The following RYR2 variants were observed in gnomAD, a reference collection of about 807,000 sequenced individuals.
The protein encoded by RYR2 is ryanodine receptor 2.
Under a neutral mutation model 601.1 loss-of-function variants are expected in RYR2, and 227 were observed. That is an observed-to-expected ratio of 0.38 (90% confidence interval 0.34 to 0.42). The LOEUF is 0.42. Among genes scored for constraint, RYR2 ranks in the 10% least tolerant of loss-of-function variants. The pLI, the probability that RYR2 is intolerant of heterozygous loss-of-function variation, is 1.00. For missense variants in RYR2, 4,646 were observed against 6,156.5 expected (o/e 0.75, Z 8.21); for synonymous variants, 2,223 against 2,175.1 (o/e 1.02, Z -0.61).
intron 48 of RYR2, among the ~76,000 whole-genome samples, chr1:237,645,671 C>A (rs1226330520): frequency 1.3e-5 from 2 of 152,120 alleles, no homozygotes; most frequent in South Asian, 2.1e-4. Context: ...CTTTAGCAGC[C>A]TTCAAGAGTT....
At chr1:237,279,140 A>G (rs992628221) in intron 2 of RYR2, among the ~76,000 whole-genome samples, 1 of 152,178 alleles carries the variant, frequency 6.6e-6, no homozygotes, top group Non-Finnish European at 1.5e-5. Flanking sequence ...AGGACTGAGG[A>G]TGTTTAAACA....
chr1:237,638,509 T>C lies in RYR2; in HGVS notation c.6928+17T>C, dbSNP rs776740803. Reference sequence around the variant, plus strand: ...TCTGTAATGGTAGGACTTGATTTCTTGAGGTCTTTTGAGTTATCATTAAAA... The same window carrying C: ...TCTGTAATGGTAGGACTTGATTTCTCGAGGTCTTTTGAGTTATCATTAAAA... On this transcript the variant is annotated intron_variant, in intron 45 of 104. Coordinates refer to ENST00000366574, the MANE Select transcript of RYR2 (RefSeq NM_001035.3). 1.9e-6 allele frequency: 3 copies of C among 1,612,632 alleles called. No individual in the cohort carries two copies. The highest frequency in any genetic ancestry group is 1.7e-5 in the Admixed American group (1 of 59,938).
intron 62 of RYR2, among the ~76,000 whole-genome samples, chr1:237,681,748 G>A (rs1228720390): frequency 1.3e-5 from 2 of 152,100 alleles, no homozygotes; most frequent in Non-Finnish European, 2.9e-5. Context: ...CCTTCACTGG[G>A]AGGGAGAGCA....
chr1:237,072,397 C>T (rs1664472075), intron 1 of RYR2, among the ~76,000 whole-genome samples: 1 of 152,082 alleles, frequency 6.6e-6, no homozygotes, highest in African/African-American at 2.4e-5. Context: ...AGCGGATGGG[C>T]AGAGGAGATG....
At chr1:237,763,619 C>T (rs1284989569) in intron 84 of RYR2, among the ~76,000 whole-genome samples, 1 of 152,150 alleles carries the variant, frequency 6.6e-6, no homozygotes, top group Admixed American at 6.5e-5. Flanking sequence ...GAAAGACATT[C>T]TATGCAGTGG....
intron 16 of RYR2, among the ~76,000 whole-genome samples, chr1:237,462,723 G>C (rs1421790634): frequency 1.3e-5 from 2 of 152,140 alleles, no homozygotes; most frequent in Admixed American, 6.6e-5. Flanking sequence ...CAAGGAGGCA[G>C]ATCTCCCTAA....
chr1:237,331,799 C>A (rs1572630492), intron 3 of RYR2, among the ~76,000 whole-genome samples: 1 of 152,030 alleles, frequency 6.6e-6, no homozygotes, highest in African/African-American at 2.4e-5. Context: ...CAGGCGTGAG[C>A]CACCGCGCCC....
intron 4 of RYR2, 91 bp from the exon 5 acceptor site, chr1:237,364,267 A>G (rs1700018905): frequency 8.5e-7 from 1 of 1,178,012 alleles, no homozygotes; most frequent in Non-Finnish European, 1.2e-6. Flanking sequence ...ATTTAGGATA[A>G]CGGAGTCTTT....
At chr1:237,422,838 C>T (rs974231381) in intron 11 of RYR2, among the ~76,000 whole-genome samples, 3 of 152,142 alleles carry the variant, frequency 2.0e-5, no homozygotes, top group Non-Finnish European at 2.9e-5. Flanking sequence ...GTGGATGGTA[C>T]GGCATTTAAG....
intron 1 of RYR2, among the ~76,000 whole-genome samples, chr1:237,155,126 C>T (rs1276036100): frequency 1.3e-5 from 2 of 151,220 alleles, no homozygotes; most frequent in Non-Finnish European, 2.9e-5. Context: ...TAAATTAATA[C>T]ATGAAACCAA....
chr1:237,429,150 C>T (rs1019346291), intron 12 of RYR2, among the ~76,000 whole-genome samples: 2 of 152,096 alleles, frequency 1.3e-5, no homozygotes, highest in African/African-American at 4.8e-5. Context: ...CACTCCTTGG[C>T]TTTTTAAATA....
intron 17 of RYR2, among the ~76,000 whole-genome samples, chr1:237,471,560 T>G (rs748217366): frequency 1.9e-4 from 29 of 152,204 alleles, no homozygotes; most frequent in Non-Finnish European, 3.8e-4. Context: ...AAGAGATAGG[T>G]GCAGGGCAGC....
At chr1:237,677,349 G>T (rs1350332644) in intron 60 of RYR2, among the ~76,000 whole-genome samples, 1 of 152,092 alleles carries the variant, frequency 6.6e-6, no homozygotes, top group Non-Finnish European at 1.5e-5. Context: ...ATGCATGAAG[G>T]AGGTGAGAAA....
At chr1:237,485,580 G>T (rs983677725) in intron 17 of RYR2, among the ~76,000 whole-genome samples, 2 of 152,174 alleles carry the variant, frequency 1.3e-5, no homozygotes, top group African/African-American at 4.8e-5. Flanking sequence ...AGTCTTAGAC[G>T]GTGGGAGTGT....
intron 29 of RYR2, among the ~76,000 whole-genome samples, chr1:237,576,315 C>T (rs1465170091): frequency 6.6e-6 from 1 of 152,116 alleles, no homozygotes; most frequent in Non-Finnish European, 1.5e-5. Context: ...TGTCTAAAAG[C>T]AGTGAGGGGA....
chr1:237,200,999 AG>A (rs1266538814), intron 1 of RYR2, among the ~76,000 whole-genome samples: 1 of 152,238 alleles, frequency 6.6e-6, no homozygotes, highest in African/African-American at 2.4e-5. Context: ...TAATCAATGT[AG>A]GGTTCCCAAA....
In RYR2 at chr1:237,645,088, C is replaced by G. The variant is rs532224153; in HGVS notation, c.7342+1641C>G. 6.6e-5 allele frequency among the ~76,000 whole-genome samples: 10 copies of G among 152,196 alleles called. No homozygotes were observed. The Middle Eastern group carries it at 0.01, about 155-fold the overall frequency. ...CAGGAAGTGCATGCTATATATATTC[C>G]TTTTCTTTCATTAATTATGCCCCTA... On this transcript the variant is annotated intron_variant, in intron 48 of 104. Coordinates refer to ENST00000366574, the MANE Select transcript of RYR2 (RefSeq NM_001035.3).
chr1:237,807,128 A>C (rs1248694811), intron 99 of RYR2, among the ~76,000 whole-genome samples: 1 of 152,162 alleles, frequency 6.6e-6, no homozygotes, highest in Non-Finnish European at 1.5e-5. Context: ...ATTCTTACAT[A>C]TGTCACTTTA....
At chr1:237,364,081 A>G (rs761081598) in intron 4 of RYR2, among the ~76,000 whole-genome samples, 8 of 152,174 alleles carry the variant, frequency 5.3e-5, no homozygotes, top group Non-Finnish European at 7.4e-5. Flanking sequence ...TAGGTTGTCA[A>G]TGGAATCACT....
Sources: allele counts gnomAD v4.1 joint callset (sites outside exome capture counted in the v4.1 genomes callset), GRCh38; gene constraint gnomAD v4.1.1; transcripts MANE v1.5; gene names NCBI Gene and HGNC (gene_info 2026-07-23, HGNC 2026-07-21).